Variants in RIC8B observed in about 807,000 individuals in gnomAD.
RIC8B encodes the protein RIC8 guanine nucleotide exchange factor B.
RIC8B carries 16 observed loss-of-function variants against 57.5 expected under a neutral mutation model. That is an observed-to-expected ratio of 0.28 (90% CI 0.19 to 0.42). The LOEUF (loss-of-function observed/expected upper bound fraction) is 0.42. RIC8B is among the 10% of genes least tolerant of loss of function. RIC8B has a pLI of 1.00. For synonymous variants in RIC8B, 216 were observed against 250.8 expected (o/e 0.86, Z 1.31); for missense variants, 481 against 677.0 (o/e 0.71, Z 3.21).
chr12:106,822,258 A>G (rs1190399539), intron 3 of RIC8B: 2 of 152,176 alleles, frequency 1.3e-5, no homozygotes, highest in Non-Finnish European at 2.9e-5. Flanking sequence ...GAGAATGACT[A>G]AAATGAAAAA....
chr12:106,881,861 G>A (rs1050504146), intron 9 of RIC8B, among the ~76,000 whole-genome samples: 3 of 152,128 alleles, frequency 2.0e-5, no homozygotes, highest in African/African-American at 7.2e-5. Flanking sequence ...AGAACAAACA[G>A]TCACACATCT....
intron 6 of RIC8B, among the ~76,000 whole-genome samples, chr12:106,846,759 T>C (rs941295191): frequency 6.6e-6 from 1 of 151,814 alleles, no homozygotes. Flanking sequence ...TAAATACTTC[T>C]TAATATGAAG....
intron 3 of RIC8B, among the ~76,000 whole-genome samples, chr12:106,821,160 A>G (rs184567916): frequency 1.5e-4 from 23 of 152,320 alleles, no homozygotes; most frequent in African/African-American, 4.8e-4. Flanking sequence ...CAATTTGACA[A>G]ATGAGGACAG....
At chr12:106,849,466 TA>T (rs550935865) in intron 6 of RIC8B, among the ~76,000 whole-genome samples, 51 of 140,092 alleles carry the variant, frequency 3.6e-4, no homozygotes, top group South Asian at 9.1e-4. Context: ...AATTAAAAAT[TA>T]AAAAAAAAAA....
chr12:106,828,134 C>G (rs1239826600), intron 4 of RIC8B, among the ~76,000 whole-genome samples: 1 of 152,080 alleles, frequency 6.6e-6, no homozygotes, highest in East Asian at 1.9e-4. Context: ...TGATAAAAAC[C>G]TATCGGCTTC....
chr12:106,808,519 C>G (rs977530304), intron 2 of RIC8B, among the ~76,000 whole-genome samples: 1 of 152,132 alleles, frequency 6.6e-6, no homozygotes, highest in Non-Finnish European at 1.5e-5. Flanking sequence ...GTTTGTTTTT[C>G]CCTAATTTGC....
chr12:106,785,809 C>T (rs1481919106), intron 2 of RIC8B, among the ~76,000 whole-genome samples: 1 of 128,118 alleles, frequency 7.8e-6, no homozygotes, highest in Non-Finnish European at 1.7e-5. Context: ...CTCTCTCTCT[C>T]TCTCTGTGTG....
chr12:106,795,958 C>T lies in RIC8B; in HGVS notation c.132+11914C>T, dbSNP rs2044461846. ...ATAATGACTAAGGACATAACTCATA[C>T]TTACACTTTGAAAACTGTAAAACAT... is the stretch of plus-strand genomic sequence containing the variant. On this transcript the variant is annotated intron_variant, in intron 2 of 9. Coordinates refer to ENST00000392837, the MANE Select transcript of RIC8B (RefSeq NM_001330145.2). Among the ~76,000 whole-genome samples the T allele has an allele frequency of 2.6e-5, 4 of 152,094 alleles. No homozygotes were observed. In the South Asian group the frequency reaches 8.3e-4, roughly 31 times the overall value.
At chr12:106,785,967 C>T (rs1340802294) in intron 2 of RIC8B, among the ~76,000 whole-genome samples, 1 of 151,314 alleles carries the variant, frequency 6.6e-6, no homozygotes, top group Non-Finnish European at 1.5e-5. Flanking sequence ...CCGCCCTAGG[C>T]TCCTTAGTAG....
At chr12:106,827,829 C>A (rs2046176766) in intron 4 of RIC8B, among the ~76,000 whole-genome samples, 1 of 151,698 alleles carries the variant, frequency 6.6e-6, no homozygotes, top group Admixed American at 6.6e-5. Context: ...TCTTATAAGC[C>A]CAAGAGTAAA....
At chr12:106,834,721 C>T (rs981157230) in intron 4 of RIC8B, among the ~76,000 whole-genome samples, 24 of 152,056 alleles carry the variant, frequency 1.6e-4, no homozygotes, top group African/African-American at 5.5e-4. Context: ...TAGTGGCTCA[C>T]GCCTGTAATC....
intron 3 of RIC8B, among the ~76,000 whole-genome samples, chr12:106,824,115 A>G (rs1038119429): frequency 6.6e-6 from 1 of 152,028 alleles, no homozygotes; most frequent in African/African-American, 2.4e-5. Context: ...TCCCCCTACA[A>G]TGATTTATCA....
intron 2 of RIC8B, among the ~76,000 whole-genome samples, chr12:106,810,787 T>C (rs189681923): frequency 8.9e-4 from 136 of 152,188 alleles, no homozygotes; most frequent in Admixed American, 1.8e-3. Context: ...GACTTTGACA[T>C]TTTACCTTAT....
intron 2 of RIC8B, among the ~76,000 whole-genome samples, chr12:106,790,010 TTA>T (rs1286432613): frequency 6.6e-6 from 1 of 152,152 alleles, no homozygotes; most frequent in African/African-American, 2.4e-5. Context: ...TTCCTGACAC[TTA>T]TATAGTGTTT....
At chr12:106,868,784 C>T (rs1037449656) in intron 8 of RIC8B, among the ~76,000 whole-genome samples, 1 of 143,902 alleles carries the variant, frequency 6.9e-6, no homozygotes, top group Non-Finnish European at 1.5e-5. Context: ...CACACACACA[C>T]ACACACACAC....
rs1950827951 is a variant in RIC8B at position 106,879,545 on chromosome 12, C to A, written c.1572-6359C>A. ...TTAAAATATATCTGGAAAAAAAAAA[C>A]AGACCAGAATATTTTAAATATGGTG... is the stretch of plus-strand genomic sequence containing the variant. On this transcript the variant is annotated intron_variant, in intron 9 of 9. Transcript: ENST00000392837. This position sits in a 1 kb window ranked among gnomAD's most constrained non-coding sequence, Gnocchi z 4.9. 2.0e-6 allele frequency: 2 copies of A among 980,644 alleles called. No homozygotes were observed. Among genetic ancestry groups the A allele is most frequent in the Non-Finnish European group, 2.4e-6 (2 of 826,220 alleles). The allele number at this position is 980,644 out of a possible 1,614,324, so 60.7% of individuals were successfully genotyped here.
chr12:106,842,462 G>A, intron 4 of RIC8B, 127 bp from the exon 5 acceptor site: 5 of 677,776 alleles, frequency 7.4e-6, no homozygotes, highest in Non-Finnish European at 1.2e-5. Context: ...GTCCATAATG[G>A]CTCATTTTTG....
At chr12:106,875,461 A>T (rs999608939) in intron 9 of RIC8B, among the ~76,000 whole-genome samples, 2 of 152,198 alleles carry the variant, frequency 1.3e-5, no homozygotes, top group Non-Finnish European at 2.9e-5. Flanking sequence ...GCTATTGCAC[A>T]CAACTTGTAT....
Position 106,879,611 on chromosome 12 carries a change from T to G in RIC8B, c.1572-6293T>G, listed in dbSNP as rs1336989893. ...CCATCCCTAGCTCTTTAAGAAATTA[T>G]TTTTTTGGTTTCCATTAGCAGTCCC... On this transcript the variant is annotated intron_variant, in intron 9 of 9. Coordinates refer to ENST00000392837, the MANE Select transcript of RIC8B (RefSeq NM_001330145.2). The surrounding 1 kb of genome is among the most constrained non-coding windows in gnomAD (Gnocchi z 4.9). 1.1e-5 allele frequency: 11 copies of G among 984,920 alleles called. No homozygotes were observed. The highest frequency in any genetic ancestry group is 1.3e-5 in the Non-Finnish European group (11 of 829,746). The allele number at this position is 984,920 out of a possible 1,614,324, so 61.0% of individuals were successfully genotyped here.
Sources: gnomAD v4.1 joint callset for allele counts (sites outside exome capture counted in the v4.1 genomes callset) on GRCh38, gnomAD v4.1.1 for gene constraint, Gnocchi (gnomAD v3.1) non-coding constraint, MANE v1.5 for transcripts, NCBI Gene and HGNC (gene_info 2026-07-23, HGNC 2026-07-21) for gene names.